Variants in RAVER2 observed in about 807,000 individuals in gnomAD.
RAVER2 encodes ribonucleoprotein PTB-binding 2.
A neutral mutation model predicts 78.1 loss-of-function variants in RAVER2; 46 were observed. The observed-to-expected ratio is 0.59, with a 90% confidence interval of 0.46 to 0.75. RAVER2 has a LOEUF of 0.75. RAVER2 is among the 30% of genes least tolerant of loss of function. RAVER2 has a pLI of 0.00. For missense variants in RAVER2, 793 were observed against 837.5 expected (o/e 0.95, Z 0.66); for synonymous variants, 311 against 313.3 (o/e 0.99, Z 0.08).
At chr1:64,801,667 A>C (rs1425725426) in intron 5 of RAVER2, among the ~76,000 whole-genome samples, 1 of 151,872 alleles carries the variant, frequency 6.6e-6, no homozygotes, top group East Asian at 2.0e-4. Context: ...CAGGAGTTCA[A>C]GACCAGCCTG....
intron 4 of RAVER2, among the ~76,000 whole-genome samples, chr1:64,783,747 T>C (rs188485972): frequency 2.0e-5 from 3 of 152,272 alleles, no homozygotes; most frequent in Admixed American, 2.0e-4. Context: ...ACCTAGGCAA[T>C]ACCATTCAGG....
At chr1:64,810,602 C>G (rs539741452) in intron 9 of RAVER2, among the ~76,000 whole-genome samples, 1 of 152,258 alleles carries the variant, frequency 6.6e-6, no homozygotes, top group African/African-American at 2.4e-5. Flanking sequence ...ACATTCAGTT[C>G]GTAGTGATAG....
intron 8 of RAVER2, 70 bp downstream of exon 8, chr1:64,805,175 G>T: frequency 7.2e-7 from 1 of 1,387,142 alleles, no homozygotes; most frequent in Non-Finnish European, 1.0e-6. Context: ...GTTTACCTAT[G>T]TTCTAATTTT....
At chr1:64,780,740 C>A (rs1426113795) in intron 3 of RAVER2, among the ~76,000 whole-genome samples, 6 of 152,098 alleles carry the variant, frequency 3.9e-5, no homozygotes, top group Non-Finnish European at 7.4e-5. Flanking sequence ...TAGTATCTTC[C>A]ATTACACTCT....
chr1:64,765,359 AAT>A (rs1383573020), intron 1 of RAVER2, among the ~76,000 whole-genome samples: 1 of 152,216 alleles, frequency 6.6e-6, no homozygotes, highest in Non-Finnish European at 1.5e-5. Flanking sequence ...AAACAAACCA[AAT>A]AATCAGTCAT....
At chr1:64,800,726 A>G (rs1365647278) in intron 5 of RAVER2, among the ~76,000 whole-genome samples, 1 of 152,202 alleles carries the variant, frequency 6.6e-6, no homozygotes, top group Non-Finnish European at 1.5e-5. Context: ...TCACATTATC[A>G]TAACTTTCCT....
rs765101947 is a variant in RAVER2, at chr1:64,789,435, A to C, written c.1026A>C (p.Gln342His). The C allele has an allele frequency of 3.1e-6, 5 of 1,610,088 alleles. No individual in the cohort carries two copies. In the South Asian group the frequency reaches 5.5e-5, roughly 18 times the overall value. ...TACTTCCAGAGCCAAATCCAGTACAAATTATGAAAAGTTTAAACAACCCTG... is the reference window on the plus strand; with the variant it reads ...TACTTCCAGAGCCAAATCCAGTACACATTATGAAAAGTTTAAACAACCCTG... The change falls in exon 5 of 12, where the codon CAA (glutamine) becomes CAC (histidine). Residue 342 changes from glutamine to histidine, a missense_variant. By Grantham distance (24) the Gln-to-His change is conservative (BLOSUM62 0). Coordinates refer to ENST00000294428, the Ensembl canonical transcript of RAVER2.
At position 64,820,413 on chromosome 1, in the gene RAVER2, A is replaced by C. The variant is rs577368287; in HGVS notation, c.1929+5573A>C. ...AACATATTTTCTTTTTTAATATTTAAAAATTTTTAATTTTAGGTTTGGGGG... is the reference window on the plus strand; with the variant it reads ...AACATATTTTCTTTTTTAATATTTACAAATTTTTAATTTTAGGTTTGGGGG... On this transcript the variant is annotated intron_variant, in intron 11 of 11. Coordinates refer to ENST00000294428, the Ensembl canonical transcript of RAVER2. Among the ~76,000 whole-genome samples, 8 of 152,330 alleles carry C rather than the reference A, an allele frequency of 5.3e-5. No individual in the cohort carries two copies. In the South Asian group the frequency reaches 1.7e-3, roughly 32 times the overall value.
intron 4 of RAVER2, 77 bp downstream of exon 4, chr1:64,781,648 C>A: frequency 7.5e-7 from 1 of 1,338,348 alleles, no homozygotes; most frequent in East Asian, 2.4e-5. Flanking sequence ...CCAGTCTAGC[C>A]AAAGTAATTG....
At chr1:64,822,106 G>A (rs1398298711) in intron 11 of RAVER2, among the ~76,000 whole-genome samples, 1 of 152,188 alleles carries the variant, frequency 6.6e-6, no homozygotes. Context: ...GCTAACAACA[G>A]TGAGACCCCG....
At chr1:64,781,488 G>A in exon 4 of RAVER2, 1 of 1,614,104 alleles carries the variant, frequency 6.2e-7, no homozygotes, top group African/African-American at 1.3e-5. Context: ...GACCATCAAG[G>A]GCAGCAAAGT....
intron 11 of RAVER2, among the ~76,000 whole-genome samples, chr1:64,826,742 G>C (rs147714656): frequency 6.6e-6 from 1 of 152,196 alleles, no homozygotes; most frequent in African/African-American, 2.4e-5. Context: ...AACATAGCAG[G>C]GTCAGTTAGG....
chr1:64,829,395 T>A (rs1288524552), intron 11 of RAVER2, among the ~76,000 whole-genome samples: 1 of 152,202 alleles, frequency 6.6e-6, no homozygotes, highest in African/African-American at 2.4e-5. Flanking sequence ...GAGTTCTTTA[T>A]ACCTGAAGTA....
intron 1 of RAVER2, among the ~76,000 whole-genome samples, chr1:64,761,329 C>G (rs544954290): frequency 3.3e-5 from 5 of 152,050 alleles, no homozygotes; most frequent in East Asian, 1.9e-4. Context: ...TGCGTTGGGC[C>G]CCCCCCAAAA....
exon 12 of RAVER2, chr1:64,831,142 A>G: frequency 4.4e-6 from 3 of 680,300 alleles, no homozygotes; most frequent in South Asian, 3.7e-5. Flanking sequence ...TGCCAAATAA[A>G]AAATAGCAAT....
At chr1:64,805,761 A>T (rs1481795229) in intron 8 of RAVER2, among the ~76,000 whole-genome samples, 1 of 152,216 alleles carries the variant, frequency 6.6e-6, no homozygotes, top group Non-Finnish European at 1.5e-5. Flanking sequence ...AAGTCAATTA[A>T]ATATGCGTAG....
intron 11 of RAVER2, among the ~76,000 whole-genome samples, chr1:64,830,239 C>A (rs1654091511): frequency 2.0e-5 from 3 of 152,168 alleles, no homozygotes; most frequent in Admixed American, 6.6e-5. Context: ...ACATGTGGCC[C>A]ACTTTCAGGT....
At chr1:64,787,545 C>T (rs1652815225) in intron 4 of RAVER2, among the ~76,000 whole-genome samples, 1 of 152,178 alleles carries the variant, frequency 6.6e-6, no homozygotes, top group Non-Finnish European at 1.5e-5. Flanking sequence ...CCTTCCTCTG[C>T]TGTAACTCTT....
At chr1:64,769,453 A>G (rs1220247285) in intron 2 of RAVER2, among the ~76,000 whole-genome samples, 1 of 152,066 alleles carries the variant, frequency 6.6e-6, no homozygotes, top group Non-Finnish European at 1.5e-5. Context: ...TTATGCAATT[A>G]CATTTTGATA....
Sources: allele counts gnomAD v4.1 joint callset (sites outside exome capture counted in the v4.1 genomes callset), GRCh38; gene constraint gnomAD v4.1.1; transcripts MANE v1.5; gene names NCBI Gene and HGNC (gene_info 2026-07-23, HGNC 2026-07-21).